ZDHHC2: variants seen among roughly 807,000 people sequenced by gnomAD.
ZDHHC2 encodes palmitoyltransferase ZDHHC2.
In ZDHHC2, 51 loss-of-function variants were observed where a neutral mutation model predicts 55.6. The ratio of observed to expected loss-of-function variants is 0.92; its 90% CI spans 0.73 to 1.16. The LOEUF is 1.16. Among genes scored for constraint, ZDHHC2 ranks in the 50% most tolerant of loss-of-function variants. ZDHHC2 has a pLI of 0.00. For missense variants in ZDHHC2, 491 were observed against 442.4 expected, an observed-to-expected ratio of 1.11 and a Z score of -0.99; for synonymous variants, 199 against 152.9, an observed-to-expected ratio of 1.30 and a Z score of -2.22.
chr8:17,185,294 C>G (rs1805652542), intron 2 of ZDHHC2, among the ~76,000 whole-genome samples: 1 of 152,042 alleles, frequency 6.6e-6, no homozygotes, highest in African/African-American at 2.4e-5. Context: ...TCAATGATAT[C>G]TTACAGAATT....
chr8:17,195,528 G>C lies in ZDHHC2; in HGVS notation c.277G>C (p.Asp93His). The C allele has an allele frequency of 6.2e-7, 1 of 1,613,734 alleles. No individual in the cohort carries two copies. The highest frequency in any genetic ancestry group is 8.5e-7 in the Non-Finnish European group (1 of 1,179,780). Residue 93 changes from aspartate (D) to histidine (H), a missense_variant, in exon 4 of 13, where the codon GAT (aspartate) becomes CAT (histidine). By Grantham distance (81) the Asp-to-His change is moderately conservative (BLOSUM62 -1). Coordinates refer to ENST00000262096, the MANE Select transcript of ZDHHC2 (RefSeq NM_016353.5). Reference sequence around the variant, plus strand: ...GTTCCATCTCTCTTATGCAGAGAAAGATTTGTTGGAGAGAGAGCCAAGAGG... The same window carrying C: ...GTTCCATCTCTCTTATGCAGAGAAACATTTGTTGGAGAGAGAGCCAAGAGG... ...KEFHLSYAEK[D>H]LLEREPRGEA...
In ZDHHC2 at chr8:17,161,970, T is replaced by A. The variant is rs548801899; in HGVS notation, c.130+5117T>A. Among the ~76,000 whole-genome samples, 3 of 152,250 alleles carry A rather than the reference T, an allele frequency of 2.0e-5. No individual in the cohort carries two copies. In the South Asian group the frequency reaches 6.2e-4, roughly 31 times the overall value. On this transcript the variant is annotated intron_variant, in intron 1 of 12. Transcript: ENST00000262096. Reference sequence around the variant, plus strand: ...TGAATATTTTAAAGATTTGAATTTATGTGAATAGGGTAATAAAAACTCAAC... The same window carrying A: ...TGAATATTTTAAAGATTTGAATTTAAGTGAATAGGGTAATAAAAACTCAAC...
At chr8:17,205,930 C>T (rs1401779110) in intron 7 of ZDHHC2, among the ~76,000 whole-genome samples, 155 bp downstream of exon 7, 1 of 152,148 alleles carries the variant, frequency 6.6e-6, no homozygotes, top group African/African-American at 2.4e-5. Context: ...TTTGTTAATT[C>T]AGTAAGATGT....
intron 1 of ZDHHC2, among the ~76,000 whole-genome samples, chr8:17,178,099 G>T (rs930827511): frequency 1.3e-5 from 2 of 152,068 alleles, no homozygotes; most frequent in Admixed American, 1.3e-4. Flanking sequence ...CACACAAGTA[G>T]CCATGTAAGT....
intron 3 of ZDHHC2, among the ~76,000 whole-genome samples, chr8:17,191,250 G>A (rs1011741309): frequency 1.3e-5 from 2 of 151,790 alleles, no homozygotes; most frequent in Non-Finnish European, 2.9e-5. Context: ...ATGAGCCATG[G>A]CACCTGGCCC....
rs1554461470 is a variant in ZDHHC2, at chr8:17,184,620, C to CTT, written c.131-169_131-168insTT. ...TGCAGCCTCCAGCCGTTTCCTGCAC[C>CTT]CTCTCCACACTGTGCTCACCTCTCC... On this transcript the variant is annotated intron_variant, in intron 1 of 12. Coordinates refer to ENST00000262096, the MANE Select transcript of ZDHHC2 (RefSeq NM_016353.5). Among the ~76,000 whole-genome samples, 232 of 152,284 alleles carry CTT rather than the reference C, an allele frequency of 1.5e-3. 1 individual carries two copies. Among genetic ancestry groups the CTT allele is most frequent in the African/African-American group, 5.4e-3 (224 of 41,542 alleles).
At chr8:17,172,518 A>G (rs181302515) in intron 1 of ZDHHC2, among the ~76,000 whole-genome samples, 1 of 152,340 alleles carries the variant, frequency 6.6e-6, no homozygotes, top group East Asian at 1.9e-4. Flanking sequence ...CTCTACATCC[A>G]CGTGCCTATA....
At chr8:17,208,143 A>T in intron 8 of ZDHHC2, 51 bp downstream of exon 8, 1 of 1,464,800 alleles carries the variant, frequency 6.8e-7, no homozygotes, top group Non-Finnish European at 9.1e-7. Context: ...GTATACCAAC[A>T]TTCATTGACA....
intron 1 of ZDHHC2, among the ~76,000 whole-genome samples, chr8:17,169,587 G>A (rs1184662284): frequency 3.3e-5 from 5 of 152,296 alleles, no homozygotes; most frequent in East Asian, 3.9e-4. Flanking sequence ...TGAATGCATC[G>A]TGAATACATG....
intron 8 of ZDHHC2, among the ~76,000 whole-genome samples, chr8:17,209,464 G>A (rs560153363): frequency 1.3e-5 from 2 of 152,074 alleles, no homozygotes; most frequent in Non-Finnish European, 2.9e-5. Flanking sequence ...TCCACTCTGG[G>A]CAACAGAGTG....
chr8:17,182,523 C>T (rs1164087643), intron 1 of ZDHHC2, among the ~76,000 whole-genome samples: 1 of 152,120 alleles, frequency 6.6e-6, no homozygotes, highest in African/African-American at 2.4e-5. Context: ...TGATCCCTTT[C>T]ATTCTACAAA....
intron 2 of ZDHHC2, among the ~76,000 whole-genome samples, chr8:17,185,344 C>T (rs975220225): frequency 6.6e-5 from 10 of 152,060 alleles, no homozygotes; most frequent in Non-Finnish European, 1.3e-4. Flanking sequence ...GAAGCATTAT[C>T]ACCATATAGA....
intron 6 of ZDHHC2, among the ~76,000 whole-genome samples, chr8:17,205,028 A>G (rs767936486): frequency 6.6e-6 from 1 of 152,190 alleles, no homozygotes; most frequent in Non-Finnish European, 1.5e-5. Context: ...AAATGACCTC[A>G]GAGTGTTTTA....
chr8:17,192,186 A>G (rs765418191), intron 3 of ZDHHC2, among the ~76,000 whole-genome samples: 2 of 152,008 alleles, frequency 1.3e-5, no homozygotes, highest in Non-Finnish European at 2.9e-5. Context: ...AGATTTCACT[A>G]TGTTGCCTAG....
rs1585753912 is a variant in ZDHHC2 at position 17,221,415 on chromosome 8, A to G, written c.*1194A>G. The stretch of plus-strand genomic sequence containing the variant: ...AAAAAAGTTTTTTTTATTTGAGTCC[A>G]GTATAATTCATGTAAATGTTAACAA... On this transcript the variant is annotated 3_prime_UTR_variant, in exon 13 of 13. Transcript: ENST00000262096. 1.3e-5 allele frequency: 2 copies of G among 152,522 alleles called. No individual in the cohort carries two copies. Among genetic ancestry groups the G allele is most frequent in the South Asian group, 4.1e-4 (2 of 4,824 alleles). The allele number at this position is 152,522 out of a possible 1,614,324, so 9.4% of individuals were successfully genotyped here.
rs544237854 is a variant in ZDHHC2, at chr8:17,161,776, C to T, written c.130+4923C>T. The stretch of plus-strand genomic sequence containing the variant: ...CGGGAGGCTAAGGCAGAAGAAATTG[C>T]CTGAACCGGGGAGGCAGAGGCTGCA... On this transcript the variant is annotated intron_variant, in intron 1 of 12. Transcript: ENST00000262096. 2.7e-3 allele frequency among the ~76,000 whole-genome samples: 406 copies of T among 152,098 alleles called. 18 individuals are homozygous for T. The South Asian group carries it at 0.079, about 30-fold the overall frequency.
intron 1 of ZDHHC2, among the ~76,000 whole-genome samples, chr8:17,178,442 CCTGA>C (rs1443089889): frequency 1.3e-5 from 2 of 152,110 alleles, no homozygotes; most frequent in Admixed American, 6.6e-5. Context: ...TGTGGAGAAC[CCTGA>C]CTAATACATA....
At chr8:17,170,177 T>A (rs1409742982) in intron 1 of ZDHHC2, among the ~76,000 whole-genome samples, 1 of 152,212 alleles carries the variant, frequency 6.6e-6, no homozygotes, top group Non-Finnish European at 1.5e-5. Flanking sequence ...AAAGATTGTG[T>A]ATGTTTACTT....
chr8:17,168,902 A>G (rs570495775), intron 1 of ZDHHC2, among the ~76,000 whole-genome samples: 2 of 152,156 alleles, frequency 1.3e-5, no homozygotes, highest in Admixed American at 6.5e-5. Context: ...ATTTCGTGGC[A>G]TGTATATATC....
Sources: gnomAD v4.1 joint callset for allele counts (sites outside exome capture counted in the v4.1 genomes callset) on GRCh38, gnomAD v4.1.1 for gene constraint, MANE v1.5 for transcripts, NCBI Gene and HGNC (gene_info 2026-07-23, HGNC 2026-07-21) for gene names.